ITPR2: variants seen among roughly 807,000 people sequenced by gnomAD.
The protein encoded by ITPR2 is inositol 1,4,5-trisphosphate receptor type 2.
ITPR2 carries 207 observed loss-of-function variants against 317.1 expected under a neutral mutation model. That is an observed-to-expected ratio of 0.65 (90% CI 0.58 to 0.73). The LOEUF (loss-of-function observed/expected upper bound fraction) is 0.73, where lower values mean the gene tolerates loss of function less well. Among genes scored for constraint, ITPR2 ranks in the 30% least tolerant of loss-of-function variants. The pLI is 0.00. For synonymous variants in ITPR2, 1,156 were observed against 1,149.1 expected, an observed-to-expected ratio of 1.01 and a Z score of -0.12; for missense variants, 2,613 against 3,284.0, an observed-to-expected ratio of 0.80 and a Z score of 4.99.
intron 47 of ITPR2, among the ~76,000 whole-genome samples, chr12:26,437,976 T>C (rs1376724337): frequency 6.6e-6 from 1 of 152,122 alleles, no homozygotes; most frequent in Non-Finnish European, 1.5e-5. Flanking sequence ...TAATTTTTTG[T>C]ATTTTTGGTA....
intron 2 of ITPR2, among the ~76,000 whole-genome samples, chr12:26,768,290 G>C (rs1949761396): frequency 6.7e-6 from 1 of 150,322 alleles, no homozygotes; most frequent in African/African-American, 2.4e-5. Context: ...GGGAGGGATA[G>C]CAGTGGGAGA....
At chr12:26,465,537 C>A (rs182205375) in intron 45 of ITPR2, among the ~76,000 whole-genome samples, 9 of 152,174 alleles carry the variant, frequency 5.9e-5, no homozygotes, top group Non-Finnish European at 1.2e-4. Context: ...TTTGCATGCA[C>A]GAATGCTGAG....
intron 54 of ITPR2, among the ~76,000 whole-genome samples, chr12:26,389,745 C>A (rs979001076): frequency 3.9e-5 from 6 of 152,090 alleles, no homozygotes; most frequent in African/African-American, 1.4e-4. Context: ...TCCTTATAGA[C>A]TGAATATAGC....
At chr12:26,361,437 A>C (rs1938828188) in intron 55 of ITPR2, among the ~76,000 whole-genome samples, 1 of 151,840 alleles carries the variant, frequency 6.6e-6, no homozygotes, top group Admixed American at 6.6e-5. Context: ...ACCCCACCCC[A>C]TTGCATCATA....
chr12:26,361,281 T>C (rs1458041777), intron 55 of ITPR2, among the ~76,000 whole-genome samples: 1 of 87,918 alleles, frequency 1.1e-5, no homozygotes, highest in Non-Finnish European at 2.6e-5. Flanking sequence ...AATTATGTTA[T>C]CTATTGAAAT....
chr12:26,658,730 C>T (rs527929409), intron 16 of ITPR2, among the ~76,000 whole-genome samples: 4 of 152,144 alleles, frequency 2.6e-5, no homozygotes, highest in Admixed American at 6.5e-5. Context: ...TATCAGGGTA[C>T]GCTTGGGCAA....
intron 21 of ITPR2, among the ~76,000 whole-genome samples, chr12:26,652,813 G>T (rs748112421): frequency 1.1e-4 from 17 of 152,310 alleles, no homozygotes; most frequent in Middle Eastern, 6.8e-3. Context: ...TGCCTGCACA[G>T]TCCTACCTTC....
rs1348653656 is a variant in ITPR2, at chr12:26,589,847, TATATATACACACAC to T, written c.4380+5604_4380+5617del. On this transcript the variant is annotated intron_variant, in intron 32 of 56. Transcript: ENST00000381340. ...AAATAAATAAACATATATATATATATATATATACACACACACACACACACACACACACACACACA... is the reference window on the plus strand; with the variant it reads ...AAATAAATAAACATATATATATATATACACACACACACACACACACACACA... 5.9e-3 allele frequency among the ~76,000 whole-genome samples: 212 copies of T among 36,062 alleles called. 1 individual carries two copies. The highest frequency in any genetic ancestry group is 0.011 in the Middle Eastern group (1 of 90). The allele number at this position is 36,062 out of a possible 152,430, so 23.7% of individuals were successfully genotyped here.
chr12:26,665,965 G>A lies in ITPR2; in HGVS notation c.1496C>T (p.Thr499Ile), dbSNP rs768858027. The change falls in exon 14 of 57, where the codon ACT (threonine) becomes ATT (isoleucine). Residue 499 changes from threonine (T) to isoleucine (I), a missense_variant. This residue lies in a region of ITPR2 where 515 missense variants were observed against 789.4 expected (regional missense o/e 0.65). Transcript: ENST00000381340. Reference sequence around the variant, plus strand: ...TTTTTGACGCTCTCGGTTTGGCTTAGTGATAACCACATCCAGAACTTCTTG... The same window carrying A: ...TTTTTGACGCTCTCGGTTTGGCTTAATGATAACCACATCCAGAACTTCTTG... ...NGQEVLDVVI[T>I]KPNRERQKLM... The A allele has an allele frequency of 6.2e-6, 10 of 1,613,858 alleles. No individual in the cohort carries two copies. In the Admixed American group the frequency reaches 1.2e-4, roughly 19 times the overall value.
rs368037830 is a variant in ITPR2, at chr12:26,711,289, G to T, written c.856-21C>A. 8.9e-4 allele frequency: 1,357 copies of T among 1,529,358 alleles called. 4 individuals are homozygous for T. Among genetic ancestry groups the T allele is most frequent in the Middle Eastern group, 4.2e-3 (25 of 5,886 alleles). 94.7% of individuals were successfully genotyped at this position (1,529,358 alleles called of 1,614,324 possible). A position where few individuals can be genotyped will look rare whatever the true frequency, so the allele number is the denominator to read the frequency against. ...ACCACCTACAAAGAGAGCAACGATA[G>T]TAATGGCAAAACAATATTTATGTTC... On this transcript the variant is annotated intron_variant, in intron 8 of 56. Transcript: ENST00000381340.
chr12:26,755,920 C>CA (rs1949513322), intron 2 of ITPR2, among the ~76,000 whole-genome samples: 1 of 151,986 alleles, frequency 6.6e-6, no homozygotes, highest in South Asian at 2.1e-4. Flanking sequence ...CTTGGGACCT[C>CA]AAAAGGAAAG....
At chr12:26,374,238 A>G (rs1939274678) in intron 55 of ITPR2, among the ~76,000 whole-genome samples, 1 of 152,230 alleles carries the variant, frequency 6.6e-6, no homozygotes, top group South Asian at 2.1e-4. Context: ...ACAATATAGG[A>G]AGCCCCTCTG....
Position 26,656,521 on chromosome 12 carries a change from C to T in ITPR2, c.2220G>A (p.Met740Ile), listed in dbSNP as rs1007766482. The T allele has an allele frequency of 6.2e-7, 1 of 1,614,224 alleles. No homozygotes were observed. Among genetic ancestry groups the T allele is most frequent in the Non-Finnish European group, 8.5e-7 (1 of 1,180,030 alleles). Residue 740 changes from methionine (M) to isoleucine (I), a missense_variant, in exon 19 of 57, where the codon ATG becomes ATA. Met to Ile is a conservative substitution (Grantham distance 10). Transcript: ENST00000381340. ...TGGCCAGATACTGGCGATCCAAGCA[C>T]ATCCTTGCAAAGAGGTTTAGCTGGT... is the stretch of plus-strand genomic sequence containing the variant. The part of the protein sequence containing the change: ...YRYQLNLFAR[M>I]CLDRQYLAIN...
chr12:26,368,547 G>A (rs914519608), intron 55 of ITPR2, among the ~76,000 whole-genome samples: 2 of 152,106 alleles, frequency 1.3e-5, no homozygotes, highest in African/African-American at 4.8e-5. Context: ...AATTCCCCAA[G>A]GTCACACAGC....
intron 37 of ITPR2, among the ~76,000 whole-genome samples, chr12:26,513,553 C>G (rs905285883): frequency 6.6e-6 from 1 of 152,008 alleles, no homozygotes; most frequent in African/African-American, 2.4e-5. Context: ...CTCTCTCTCT[C>G]TCTCTGCAGA....
At chr12:26,684,971 G>T (rs1161277743) in intron 11 of ITPR2, among the ~76,000 whole-genome samples, 1 of 152,010 alleles carries the variant, frequency 6.6e-6, no homozygotes, top group African/African-American at 2.4e-5. Flanking sequence ...CTCATATAAG[G>T]TATGAAATTC....
At chr12:26,760,402 C>T in intron 2 of ITPR2, among the ~76,000 whole-genome samples, 1 of 152,112 alleles carries the variant, frequency 6.6e-6, no homozygotes. Flanking sequence ...CATCATTTTA[C>T]AGTATGTACA....
At chr12:26,729,451 G>A (rs1423739928) in intron 2 of ITPR2, among the ~76,000 whole-genome samples, 1 of 152,114 alleles carries the variant, frequency 6.6e-6, no homozygotes, top group East Asian at 1.9e-4. Context: ...TTTCATTACT[G>A]GGTATATGCC....
chr12:26,507,863 C>CTCTCTGTGTGTGTGTG (rs372756412), intron 37 of ITPR2, among the ~76,000 whole-genome samples: 187 of 132,278 alleles, frequency 1.4e-3, no homozygotes, highest in Middle Eastern at 8.9e-3. Flanking sequence ...CTCTCTGTCT[C>CTCTCTGTGTGTGTGTG]TGTGTGTGTG....
Sources: gnomAD v4.1 joint callset for allele counts (sites outside exome capture counted in the v4.1 genomes callset) on GRCh38, gnomAD v4.1.1 for gene constraint, gnomAD v4.1.1 regional missense constraint, MANE v1.5 for transcripts, NCBI Gene and HGNC (gene_info 2026-07-23, HGNC 2026-07-21) for gene names.